The following LMBR1 variants were observed in gnomAD, a reference collection of about 807,000 sequenced individuals.
The protein encoded by LMBR1 is limb region 1 protein homolog.
In LMBR1, 52 loss-of-function variants were observed where a neutral mutation model predicts 73.9. The ratio of observed to expected loss-of-function variants is 0.70; its 90% CI spans 0.56 to 0.89. The LOEUF (loss-of-function observed/expected upper bound fraction) is 0.89. Among genes scored for constraint, LMBR1 ranks in the 40% least tolerant of loss-of-function variants. The pLI is 0.00. For synonymous variants in LMBR1, 215 were observed against 209.4 expected, an observed-to-expected ratio of 1.03 and a Z score of -0.23; for missense variants, 539 against 579.8, an observed-to-expected ratio of 0.93 and a Z score of 0.72.
intron 15 of LMBR1, among the ~76,000 whole-genome samples, chr7:156,698,645 G>T (rs1459048348): frequency 6.6e-6 from 1 of 152,188 alleles, no homozygotes; most frequent in African/African-American, 2.4e-5. Flanking sequence ...AGTCACGGCT[G>T]GAGCAGCTGG....
intron 3 of LMBR1, among the ~76,000 whole-genome samples, chr7:156,830,712 G>A (rs1275039176): frequency 3.9e-5 from 6 of 152,274 alleles, no homozygotes; most frequent in South Asian, 2.1e-4. Context: ...TTCCTAATAC[G>A]TCACTCTAAA....
chr7:156,786,256 AGGAAG>A (rs912221190), intron 5 of LMBR1, among the ~76,000 whole-genome samples: 5 of 140,556 alleles, frequency 3.6e-5, no homozygotes, highest in South Asian at 2.4e-4. Flanking sequence ...AGGAGGAAGG[AGGAAG>A]GGAAGGGAAG....
chr7:156,693,382 A>G (rs1807632541), intron 15 of LMBR1, among the ~76,000 whole-genome samples: 2 of 152,110 alleles, frequency 1.3e-5, no homozygotes, highest in Admixed American at 1.3e-4. Flanking sequence ...TGGATTTTTT[A>G]AAAGATAAAA....
chr7:156,805,240 CAA>C (rs1488166020), intron 4 of LMBR1, among the ~76,000 whole-genome samples: 1 of 110,826 alleles, frequency 9.0e-6, no homozygotes, highest in African/African-American at 3.2e-5. Context: ...TTTTTTGAGA[CAA>C]AGTCTTGCTC....
intron 15 of LMBR1, among the ~76,000 whole-genome samples, chr7:156,721,532 C>T (rs1042573267): frequency 1.3e-5 from 2 of 152,082 alleles, no homozygotes; most frequent in Non-Finnish European, 2.9e-5. Flanking sequence ...TTAAACTACA[C>T]AGTAAACTGT....
chr7:156,709,565 G>A (rs1375653806), intron 15 of LMBR1, among the ~76,000 whole-genome samples: 2 of 152,152 alleles, frequency 1.3e-5, no homozygotes, highest in African/African-American at 2.4e-5. Context: ...CACCATCCCA[G>A]AGCCTGGTAG....
chr7:156,847,560 C>G (rs1328059626), intron 1 of LMBR1, among the ~76,000 whole-genome samples: 1 of 152,072 alleles, frequency 6.6e-6, no homozygotes, highest in Non-Finnish European at 1.5e-5. Context: ...GACTACTATG[C>G]AAAACATATA....
chr7:156,836,996 G>A, intron 1 of LMBR1, 111 bp from the exon 2 acceptor site: 1 of 711,420 alleles, frequency 1.4e-6, no homozygotes, highest in Non-Finnish European at 2.3e-6. Context: ...CTACTAAAAA[G>A]TTAAAATGCT....
At chr7:156,825,355 C>T (rs1440651479) in intron 4 of LMBR1, among the ~76,000 whole-genome samples, 1 of 152,056 alleles carries the variant, frequency 6.6e-6, no homozygotes, top group African/African-American at 2.4e-5. Context: ...CAAATCAACA[C>T]TAATAAAATG....
intron 15 of LMBR1, among the ~76,000 whole-genome samples, chr7:156,704,094 A>G (rs956317532): frequency 2.6e-5 from 4 of 152,190 alleles, no homozygotes; most frequent in African/African-American, 9.7e-5. Context: ...CCCATTCAGC[A>G]TACACAACTA....
chr7:156,835,097 G>A (rs896265011), intron 2 of LMBR1, among the ~76,000 whole-genome samples: 9 of 151,726 alleles, frequency 5.9e-5, no homozygotes, highest in Admixed American at 3.3e-4. Context: ...CCGAGATCAC[G>A]CCACTGCACT....
intron 1 of LMBR1, among the ~76,000 whole-genome samples, chr7:156,848,625 T>G (rs1469796960): frequency 6.6e-6 from 1 of 152,104 alleles, no homozygotes; most frequent in Non-Finnish European, 1.5e-5. Flanking sequence ...TGGCAATTTC[T>G]CAAACCATTT....
At chr7:156,721,785 T>C (rs929357023) in intron 15 of LMBR1, among the ~76,000 whole-genome samples, 2 of 152,132 alleles carry the variant, frequency 1.3e-5, no homozygotes, top group Non-Finnish European at 1.5e-5. Flanking sequence ...ACTTAATTCT[T>C]TGTGGCAAGA....
chr7:156,756,510 C>T (rs764430751), intron 8 of LMBR1, 45 bp from the exon 9 acceptor site: 41 of 926,650 alleles, frequency 4.4e-5, no homozygotes, highest in Non-Finnish European at 6.4e-5. Flanking sequence ...CGTTATAAAA[C>T]GAATGCTTAT....
At chr7:156,832,052 T>G (rs1836789511) in intron 3 of LMBR1, among the ~76,000 whole-genome samples, 2 of 152,218 alleles carry the variant, frequency 1.3e-5, no homozygotes, top group Admixed American at 1.3e-4. Flanking sequence ...TTTTCACAAA[T>G]GTCACAGGGC....
In LMBR1 at chr7:156,826,590, G is replaced by C; in HGVS notation, c.319+15C>G. The C allele has an allele frequency of 7.0e-7, 1 of 1,425,618 alleles. No individual in the cohort carries two copies. Among genetic ancestry groups the C allele is most frequent in the Non-Finnish European group, 9.4e-7 (1 of 1,066,836 alleles). 88.3% of individuals were successfully genotyped at this position (1,425,618 alleles called of 1,614,324 possible). A position where few individuals can be genotyped will look rare whatever the true frequency, so the allele number is the denominator to read the frequency against. ...AAAATATTAATTGTGATTATATTAA[G>C]CAATATATACTAACCATGAATCAGG... On this transcript the variant is annotated intron_variant, in intron 4 of 16. Coordinates refer to ENST00000353442, the MANE Select transcript of LMBR1 (RefSeq NM_022458.4).
chr7:156,687,356 T>G (rs1806197788), intron 16 of LMBR1, among the ~76,000 whole-genome samples: 1 of 152,206 alleles, frequency 6.6e-6, no homozygotes, highest in Non-Finnish European at 1.5e-5. Context: ...ACCAAGATAA[T>G]TTACTTTGTC....
At position 156,861,241 on chromosome 7, in the gene LMBR1, C is replaced by T. The variant is rs535991409; in HGVS notation, c.67-24356G>A. ...CCTCAATTCTTGACTTCTGTGCACCCGCAGGCTAAACACCATGTTGAAGCT... is the reference window on the plus strand; with the variant it reads ...CCTCAATTCTTGACTTCTGTGCACCTGCAGGCTAAACACCATGTTGAAGCT... On this transcript the variant is annotated intron_variant, in intron 1 of 16. Transcript: ENST00000353442. 4.6e-5 allele frequency among the ~76,000 whole-genome samples: 7 copies of T among 152,276 alleles called. No individual in the cohort carries two copies. The South Asian group carries it at 6.2e-4, about 14-fold the overall frequency.
chr7:156,777,233 C>G (rs752433275), intron 5 of LMBR1, among the ~76,000 whole-genome samples: 1 of 152,170 alleles, frequency 6.6e-6, no homozygotes, highest in African/African-American at 2.4e-5. Flanking sequence ...CCACGCCTGG[C>G]CTTTCACAAC....
Sources: gnomAD v4.1 joint callset for allele counts (sites outside exome capture counted in the v4.1 genomes callset) on GRCh38, gnomAD v4.1.1 for gene constraint, MANE v1.5 for transcripts, NCBI Gene and HGNC (gene_info 2026-07-23, HGNC 2026-07-21) for gene names.